APH1B: variants seen among roughly 807,000 people sequenced by gnomAD.
The protein encoded by APH1B is gamma-secretase subunit APH-1B.
APH1B carries 27 observed loss-of-function variants against 28.2 expected under a neutral mutation model. The ratio of observed to expected loss-of-function variants is 0.96; its 90% CI spans 0.70 to 1.32. The LOEUF (loss-of-function observed/expected upper bound fraction) is 1.32, where lower values mean the gene tolerates loss of function less well. APH1B is among the 40% of genes most tolerant of loss of function. APH1B has a pLI of 0.00. For synonymous variants in APH1B, 141 were observed against 124.6 expected (o/e 1.13, Z -0.88); for missense variants, 305 against 313.6 (o/e 0.97, Z 0.21).
chr15:63,286,510 C>CTTTTTT, intron 2 of APH1B, 48 bp from the exon 3 acceptor site: 1 of 1,242,322 alleles, frequency 8.0e-7, no homozygotes, highest in Non-Finnish European at 1.1e-6. Flanking sequence ...ATTGCTCTTC[C>CTTTTTT]TTTTTTTTTT....
chr15:63,287,729 G>T (rs1285307360), intron 4 of APH1B, among the ~76,000 whole-genome samples, 183 bp downstream of exon 4: 1 of 152,208 alleles, frequency 6.6e-6, no homozygotes, highest in African/African-American at 2.4e-5. Context: ...GAGTGTTTTA[G>T]AATTTTGGAG....
At chr15:63,294,362 C>T (rs2038541617) in intron 4 of APH1B, among the ~76,000 whole-genome samples, 1 of 152,208 alleles carries the variant, frequency 6.6e-6, no homozygotes, top group Non-Finnish European at 1.5e-5. Context: ...TCAGCTTGAT[C>T]CCATGCAGCT....
At chr15:63,305,066 C>T (rs539876574) in intron 5 of APH1B, among the ~76,000 whole-genome samples, 5 of 152,330 alleles carry the variant, frequency 3.3e-5, no homozygotes, top group African/African-American at 9.6e-5. Context: ...ATTGTTTCTT[C>T]ATTCATTACC....
intron 4 of APH1B, among the ~76,000 whole-genome samples, chr15:63,301,823 G>A (rs925931953): frequency 1.3e-5 from 2 of 152,160 alleles, no homozygotes; most frequent in African/African-American, 2.4e-5. Flanking sequence ...ATGTTGGCCA[G>A]CTGGTCTCAA....
chr15:63,283,360 GCTAAGA>G (rs1273743272), intron 2 of APH1B, among the ~76,000 whole-genome samples: 9 of 151,150 alleles, frequency 6.0e-5, no homozygotes, highest in Admixed American at 5.3e-4. Flanking sequence ...CTCCTGAGTA[GCTAAGA>G]CTATAAGTGC....
At chr15:63,282,335 G>A (rs979958303) in intron 2 of APH1B, among the ~76,000 whole-genome samples, 3 of 152,126 alleles carry the variant, frequency 2.0e-5, no homozygotes, top group Non-Finnish European at 4.4e-5. Flanking sequence ...GTTTATACCA[G>A]TTTTTATAAA....
At chr15:63,303,213 A>G (rs1418275762) in intron 5 of APH1B, among the ~76,000 whole-genome samples, 1 of 152,208 alleles carries the variant, frequency 6.6e-6, no homozygotes, top group Non-Finnish European at 1.5e-5. Context: ...TAGCACCTAG[A>G]TGAAAATCAA....
intron 1 of APH1B, chr15:63,278,173 A>G (rs1304435555): frequency 5.1e-6 from 2 of 393,214 alleles, no homozygotes; most frequent in East Asian, 7.1e-5. Flanking sequence ...GTGCTTTAAA[A>G]CATGCCGATG....
intron 2 of APH1B, among the ~76,000 whole-genome samples, chr15:63,284,578 A>ATT (rs2038426415): frequency 3.7e-3 from 1 of 270 alleles, no homozygotes; most frequent in Admixed American, 0.05. Flanking sequence ...CATCACCACA[A>ATT]ACACGGGGGG....
At chr15:63,283,773 G>T (rs565379995) in intron 2 of APH1B, among the ~76,000 whole-genome samples, 1 of 152,146 alleles carries the variant, frequency 6.6e-6, no homozygotes, top group South Asian at 2.1e-4. Flanking sequence ...CCCAACCCAC[G>T]GTCATGAAGA....
At chr15:63,286,805 T>C (rs2152594877) in intron 3 of APH1B, among the ~76,000 whole-genome samples, 177 bp downstream of exon 3, 1 of 152,350 alleles carries the variant, frequency 6.6e-6, no homozygotes, top group South Asian at 2.1e-4. Context: ...ATGAAAATGA[T>C]TGCAAGTGAC....
In APH1B at chr15:63,305,839, G is replaced by A. The variant is rs1161324729; in HGVS notation, c.*58G>A. On this transcript the variant is annotated 3_prime_UTR_variant, in exon 6 of 6. Transcript: ENST00000261879. Reference sequence around the variant, plus strand: ...CTACATCTTTAGAGGAAGCACAACTGTGCCTTTTTCTGAAAATCCCTTTTT... The same window carrying A: ...CTACATCTTTAGAGGAAGCACAACTATGCCTTTTTCTGAAAATCCCTTTTT... 4.5e-6 allele frequency: 7 copies of A among 1,552,324 alleles called. No individual in the cohort carries two copies. Among genetic ancestry groups the A allele is most frequent in the Non-Finnish European group, 6.1e-6 (7 of 1,152,628 alleles).
chr15:63,289,982 A>G (rs1438863391), intron 4 of APH1B, among the ~76,000 whole-genome samples: 1 of 152,094 alleles, frequency 6.6e-6, no homozygotes, highest in African/African-American at 2.4e-5. Context: ...CAGCCTGAGT[A>G]ACAGAGGGAT....
rs2038664637 is a variant in APH1B, at chr15:63,304,287, C to T, written c.607-1327C>T. On this transcript the variant is annotated intron_variant, in intron 5 of 5. Coordinates refer to ENST00000261879, the MANE Select transcript of APH1B (RefSeq NM_031301.4). This position sits in a 1 kb window ranked among gnomAD's most constrained non-coding sequence, Gnocchi z 5.1. ...GGCAGGGACTGGTGGAACAGGGAGG[C>T]TCCTGGGGGCTGAGAATGTTTTGAT... Among the ~76,000 whole-genome samples the T allele has an allele frequency of 6.6e-6, 1 of 152,112 alleles. No individual in the cohort carries two copies. Among genetic ancestry groups the T allele is most frequent in the South Asian group, 2.1e-4 (1 of 4,828 alleles).
Position 63,280,476 on chromosome 15 carries a change from A to G in APH1B, c.284+1145A>G, listed in dbSNP as rs915024106. ...GATATAACCAAGAGGAACCTCAACA[A>G]CAACTCTTTTCATAGGCTTCTGTTA... On this transcript the variant is annotated intron_variant, in intron 2 of 5. Coordinates refer to ENST00000261879, the MANE Select transcript of APH1B (RefSeq NM_031301.4). Among the ~76,000 whole-genome samples the G allele has an allele frequency of 1.6e-4, 24 of 151,248 alleles. No individual in the cohort carries two copies. The East Asian group carries it at 3.7e-3, about 23-fold the overall frequency.
At chr15:63,289,632 A>G (rs575155477) in intron 4 of APH1B, among the ~76,000 whole-genome samples, 1 of 152,348 alleles carries the variant, frequency 6.6e-6, no homozygotes, top group African/African-American at 2.4e-5. Flanking sequence ...AAACTGTTTC[A>G]TGCACAAAAT....
intron 5 of APH1B, 101 bp downstream of exon 5, chr15:63,302,573 TGAG>T (rs2038644420): frequency 1.4e-6 from 2 of 1,434,070 alleles, no homozygotes; most frequent in Admixed American, 2.5e-5. Context: ...CATGAGAACA[TGAG>T]GAAATTCAGA....
intron 1 of APH1B, chr15:63,278,258 T>C (rs564213684): frequency 2.3e-6 from 1 of 431,246 alleles, no homozygotes; most frequent in African/African-American, 2.1e-5. Flanking sequence ...AAAAAAAAAA[T>C]TTAAGCTCCT....
intron 4 of APH1B, among the ~76,000 whole-genome samples, chr15:63,289,941 T>A (rs2038487101): frequency 1.3e-5 from 2 of 151,860 alleles, no homozygotes; most frequent in African/African-American, 4.8e-5. Context: ...AGGTTGAGAC[T>A]GCAGTGAGCT....
Sources: allele counts gnomAD v4.1 joint callset (sites outside exome capture counted in the v4.1 genomes callset), GRCh38; gene constraint gnomAD v4.1.1; non-coding constraint Gnocchi (gnomAD v3.1); transcripts MANE v1.5; gene names NCBI Gene and HGNC (gene_info 2026-07-23, HGNC 2026-07-21).